Variants in CALD1 observed in about 807,000 individuals in gnomAD.
CALD1 encodes the protein caldesmon.
A neutral mutation model predicts 99.9 loss-of-function variants in CALD1; 33 were observed. That is an observed-to-expected ratio of 0.33 (90% CI 0.25 to 0.44). The LOEUF is 0.44. Among genes scored for constraint, CALD1 ranks in the 20% least tolerant of loss-of-function variants. The pLI is 1.00. For synonymous variants in CALD1, 310 were observed against 325.0 expected, an observed-to-expected ratio of 0.95 and a Z score of 0.50; for missense variants, 861 against 962.1, an observed-to-expected ratio of 0.89 and a Z score of 1.39.
At chr7:134,794,449 T>G (rs1797669197) in intron 1 of CALD1, among the ~76,000 whole-genome samples, 1 of 152,176 alleles carries the variant, frequency 6.6e-6, no homozygotes, top group Non-Finnish European at 1.5e-5. Flanking sequence ...TCTAAAGAAA[T>G]GTATACCAAA....
At chr7:134,869,565 C>T (rs1167636137) in intron 3 of CALD1, among the ~76,000 whole-genome samples, 2 of 152,132 alleles carry the variant, frequency 1.3e-5, no homozygotes, top group Admixed American at 6.6e-5. Context: ...AACTTATAGA[C>T]GGTTCCAAAG....
At chr7:134,850,242 T>C (rs972811751) in intron 2 of CALD1, among the ~76,000 whole-genome samples, 1 of 152,220 alleles carries the variant, frequency 6.6e-6, no homozygotes, top group Non-Finnish European at 1.5e-5. Flanking sequence ...GTAAGAGCAT[T>C]TGTAGAAGAA....
At chr7:134,853,995 G>T (rs202122741) in intron 2 of CALD1, among the ~76,000 whole-genome samples, 1 of 152,020 alleles carries the variant, frequency 6.6e-6, no homozygotes, top group African/African-American at 2.4e-5. Context: ...AGTTTGCTGA[G>T]AATGATGGTT....
In CALD1 at chr7:134,891,324, T is replaced by C. The variant is rs371233241; in HGVS notation, c.71+23520T>C. The C allele has an allele frequency of 6.2e-6, 7 of 1,131,126 alleles. No individual in the cohort carries two copies. The South Asian group carries it at 2.7e-4, about 43-fold the overall frequency. The allele number at this position is 1,131,126 out of a possible 1,614,324, so 70.1% of individuals were successfully genotyped here. ...GAAGCAATCAGTGCTCTCTGATCGC[T>C]AAACATGATGGGCTTCTATTAGAGA... On this transcript the variant is annotated intron_variant, in intron 3 of 14. Transcript: ENST00000361675.
At position 134,760,801 on chromosome 7, in the gene CALD1, G is replaced by A. The variant is rs571431984; in HGVS notation, c.-130+16438G>A. Among the ~76,000 whole-genome samples the A allele has an allele frequency of 4.6e-5, 7 of 152,258 alleles. 1 individual carries two copies. The highest frequency in any genetic ancestry group is 2.1e-4 in the South Asian group (1 of 4,824). On this transcript the variant is annotated intron_variant, in intron 1 of 13. Coordinates refer to the CALD1 transcript ENST00000417172. ...TGTTATAAAAATAATAAAACAAAAC[G>A]AAACAAAAGAACAAAGTTCCAGAAT...
intron 1 of CALD1, among the ~76,000 whole-genome samples, chr7:134,811,140 A>AT (rs1177404832): frequency 2.6e-5 from 4 of 152,146 alleles, no homozygotes; most frequent in African/African-American, 9.7e-5. Context: ...GGCAAGAACA[A>AT]TTTTTATTGA....
chr7:134,951,191 C>G (rs1296249816), intron 9 of CALD1, among the ~76,000 whole-genome samples: 1 of 152,222 alleles, frequency 6.6e-6, no homozygotes, highest in Non-Finnish European at 1.5e-5. Flanking sequence ...GGTCTCACCT[C>G]TTAATACCAA....
At chr7:134,911,189 T>C (rs1803783554) in intron 3 of CALD1, among the ~76,000 whole-genome samples, 1 of 151,728 alleles carries the variant, frequency 6.6e-6, no homozygotes, top group Non-Finnish European at 1.5e-5. Flanking sequence ...GAGAGGTCAT[T>C]TCCTTTTTCT....
At chr7:134,752,878 C>T (rs771032404) in intron 1 of CALD1, among the ~76,000 whole-genome samples, 3 of 151,442 alleles carry the variant, frequency 2.0e-5, no homozygotes, top group Non-Finnish European at 4.4e-5. Flanking sequence ...GGCATGGTGG[C>T]GGGCACCTAT....
intron 3 of CALD1, among the ~76,000 whole-genome samples, chr7:134,896,135 A>G (rs1348595065): frequency 2.0e-5 from 3 of 152,318 alleles, no homozygotes; most frequent in Middle Eastern, 3.4e-3. Context: ...ACCCTAGCCA[A>G]TAGGGAACAA....
At chr7:134,841,654 T>G (rs10255673) in intron 1 of CALD1, among the ~76,000 whole-genome samples, 1 of 152,106 alleles carries the variant, frequency 6.6e-6, no homozygotes, top group African/African-American at 2.4e-5. Context: ...ACAAAGGTGA[T>G]CATGTGCTTC....
In CALD1 at chr7:134,867,866, A is replaced by C. The variant is rs1370089519; in HGVS notation, c.71+62A>C. 4.7e-6 allele frequency: 5 copies of C among 1,057,118 alleles called. No homozygotes were observed. The African/African-American group carries it at 7.9e-5, about 17-fold the overall frequency. The allele number at this position is 1,057,118 out of a possible 1,614,324, so 65.5% of individuals were successfully genotyped here. A position where few individuals can be genotyped will look rare whatever the true frequency, so the allele number is the denominator to read the frequency against. On this transcript the variant is annotated intron_variant, in intron 3 of 14. Transcript: ENST00000361675. Reference sequence around the variant, plus strand: ...ATTAACAACCTTGGTTTCAGGCCTCAAAGACCATCCTTTTGAGAGGCCAAA... The same window carrying C: ...ATTAACAACCTTGGTTTCAGGCCTCCAAGACCATCCTTTTGAGAGGCCAAA...
chr7:134,798,060 A>G (rs1354886889), intron 1 of CALD1, among the ~76,000 whole-genome samples: 2 of 152,222 alleles, frequency 1.3e-5, no homozygotes, highest in Admixed American at 6.5e-5. Context: ...ATATTGATGC[A>G]TTATTATTAA....
At chr7:134,716,083 T>C in the CALD1 span, among the ~76,000 whole-genome samples, 43,178 of 152,012 alleles carry the variant, frequency 0.28, 7,210 homozygotes, top group East Asian at 0.59. Context: ...AAACAGAATA[T>C]AGTGAGAATA....
At chr7:134,855,664 G>T (rs1800269030) in intron 2 of CALD1, among the ~76,000 whole-genome samples, 3 of 152,168 alleles carry the variant, frequency 2.0e-5, no homozygotes, top group Admixed American at 6.5e-5. Flanking sequence ...TTTATATTCG[G>T]CTGCAGAAAC....
intron 1 of CALD1, among the ~76,000 whole-genome samples, chr7:134,762,432 TA>T (rs1173943580): frequency 6.6e-6 from 1 of 152,216 alleles, no homozygotes; most frequent in Non-Finnish European, 1.5e-5. Flanking sequence ...GGAGAGTTGC[TA>T]AAAGCCCTCC....
chr7:134,912,510 C>T (rs1263599571), intron 3 of CALD1, among the ~76,000 whole-genome samples: 1 of 152,210 alleles, frequency 6.6e-6, no homozygotes, highest in Non-Finnish European at 1.5e-5. Flanking sequence ...GTCCTCAGCT[C>T]ACACTTTACC....
intron 1 of CALD1, among the ~76,000 whole-genome samples, chr7:134,747,045 A>G (rs1248257049): frequency 6.6e-6 from 1 of 152,218 alleles, no homozygotes; most frequent in African/African-American, 2.4e-5. Flanking sequence ...GTCTATTCAT[A>G]TTGAAAAAAT....
chr7:134,787,069 G>T (rs1295590923), intron 1 of CALD1, among the ~76,000 whole-genome samples: 1 of 152,142 alleles, frequency 6.6e-6, no homozygotes, highest in Non-Finnish European at 1.5e-5. Flanking sequence ...ATTGATAGTA[G>T]ATGTATGTAG....
Sources: gnomAD v4.1 joint callset for allele counts (sites outside exome capture counted in the v4.1 genomes callset) on GRCh38, gnomAD v4.1.1 for gene constraint, MANE v1.5 for transcripts, NCBI Gene and HGNC (gene_info 2026-07-23, HGNC 2026-07-21) for gene names.